GRM6: variants seen among roughly 807,000 people sequenced by gnomAD.
GRM6 encodes metabotropic glutamate receptor 6.
In GRM6, 73 loss-of-function variants were observed where a neutral mutation model predicts 78.4. The observed-to-expected ratio is 0.93, with a 90% CI of 0.77 to 1.13. The LOEUF (loss-of-function observed/expected upper bound fraction) is 1.13. GRM6 is among the 50% of genes most tolerant of loss of function. GRM6 has a pLI of 0.00. For synonymous variants in GRM6, 580 were observed against 555.0 expected (o/e 1.05, Z -0.63); for missense variants, 1,251 against 1,256.4 (o/e 1.00, Z 0.07).
chr5:178,983,139 T>C lies in GRM6; in HGVS notation c.2207A>G (p.Glu736Gly), dbSNP rs758063204. 1 of 1,613,928 alleles carries C rather than the reference T, an allele frequency of 6.2e-7. No homozygotes were observed. ...GCACTTGAGCACCCCTCTGGCCTGC[T>C]CGGGGTCCACCGTCCGCTGTTCCTC... ...DYEEQRTVDP[E>G]QARGVLKCDM... Residue 736 changes from glutamate to glycine, a missense_variant, in exon 10 of 11, where the codon GAG (glutamate) becomes GGG (glycine). Physicochemically the swap from Glu to Gly is moderately conservative, Grantham distance 98. Coordinates refer to ENST00000517717, the MANE Select transcript of GRM6 (RefSeq NM_000843.4).
chr5:178,983,354 G>C, intron 9 of GRM6, 133 bp from the exon 10 acceptor site: 1 of 810,436 alleles, frequency 1.2e-6, no homozygotes, highest in Non-Finnish European at 2.1e-6. Flanking sequence ...CCTCTTCGTG[G>C]TGGCTCTCAG....
intron 5 of GRM6, chr5:178,989,745 A>G (rs1206519509): frequency 5.0e-6 from 2 of 396,968 alleles, no homozygotes; most frequent in African/African-American, 2.1e-5. Context: ...CTTTCCTGTT[A>G]GGATGCTGCT....
At position 178,980,362 on chromosome 5, in the gene GRM6, A is replaced by G. The variant is rs1355783128; in HGVS notation, c.*1295T>C. 1 of 154,394 alleles carries G rather than the reference A, an allele frequency of 6.5e-6. No individual in the cohort carries two copies. The highest frequency in any genetic ancestry group is 1.5e-5 in the Non-Finnish European group (1 of 68,232). The allele number at this position is 154,394 out of a possible 1,614,324, so 9.6% of individuals were successfully genotyped here. On this transcript the variant is annotated 3_prime_UTR_variant, in exon 11 of 11. Coordinates refer to ENST00000517717, the MANE Select transcript of GRM6 (RefSeq NM_000843.4). The surrounding 1 kb of genome is among the most constrained non-coding windows in gnomAD (Gnocchi z 4.3). ...CAAATGTGCGTGCATCTGCAGCCCA[A>G]GCCTCTTCCTCCCCAGGCCTGGCGC... is the stretch of plus-strand genomic sequence containing the variant.
Position 178,981,702 on chromosome 5 carries a change from C to G in GRM6, c.2589G>C (p.Thr863=). The change falls in exon 11 of 11, where the codon ACG becomes ACC. Residue 863 remains threonine, a synonymous_variant. Transcript: ENST00000517717. This position sits in a 1 kb window ranked among gnomAD's most constrained non-coding sequence, Gnocchi z 5.1. ...CCTCGCCCTTGGGTGGGGCTGCCAC[C>G]GTGGAGGTGGCCTTGAGGCTCCGCT... ...KRKRSLKATS[T]VAAPPKGEDA... The G allele has an allele frequency of 6.2e-7, 1 of 1,614,114 alleles. No individual in the cohort carries two copies. Among genetic ancestry groups the G allele is most frequent in the Non-Finnish European group, 8.5e-7 (1 of 1,179,976 alleles).
chr5:178,991,819 G>C lies in GRM6; in HGVS notation c.721+48C>G. 3 of 1,512,516 alleles carry C rather than the reference G, an allele frequency of 2.0e-6. No individual in the cohort carries two copies. The highest frequency in any genetic ancestry group is 2.7e-6 in the Non-Finnish European group (3 of 1,091,712). 93.7% of individuals were successfully genotyped at this position (1,512,516 alleles called of 1,614,324 possible). On this transcript the variant is annotated intron_variant, in intron 3 of 10. Transcript: ENST00000517717. This position sits in a 1 kb window ranked among gnomAD's most constrained non-coding sequence, Gnocchi z 5.0. ...TGCTTCTGCCCCAACTGAGGGCCCC[G>C]GGCCCACACTATGTAGACTCCTTGG...
rs368879122 is a variant in GRM6, at chr5:178,983,109, A to G, written c.2237T>C (p.Met746Thr). The stretch of plus-strand genomic sequence containing the variant: ...GCAGCCGATGAGAGACAGATCCGAC[A>G]TGTCGCACTTGAGCACCCCTCTGGC... ...EQARGVLKCD[M>T]SDLSLIGCLG... The change falls in exon 10 of 11, where the codon ATG becomes ACG. Residue 746 changes from methionine (M) to threonine (T), a missense_variant. Transcript: ENST00000517717. 175 of 1,613,890 alleles carry G rather than the reference A, an allele frequency of 1.1e-4. No individual in the cohort carries two copies. Among genetic ancestry groups the G allele is most frequent in the Non-Finnish European group, 1.5e-4 (172 of 1,179,974 alleles).
chr5:178,990,773 G>A, intron 4 of GRM6, 27 bp from the exon 5 acceptor site: 1 of 1,542,282 alleles, frequency 6.5e-7, no homozygotes, highest in Non-Finnish European at 8.8e-7. Context: ...TGGGGTGAGG[G>A]AGGGCCTGGG....
intron 4 of GRM6, 23 bp from the exon 5 acceptor site, chr5:178,990,769 G>T: frequency 1.9e-6 from 3 of 1,549,348 alleles, no homozygotes; most frequent in Non-Finnish European, 1.7e-6. Context: ...GGGCTGGGGT[G>T]AGGGAGGGCC....
At chr5:178,990,842 A>G (rs1285805095) in intron 4 of GRM6, 96 bp from the exon 5 acceptor site, 1 of 1,000,098 alleles carries the variant, frequency 1.0e-6, no homozygotes, top group Admixed American at 2.6e-5. Context: ...CTGCTCTATA[A>G]TCACTCACCA....
At position 178,978,484 on chromosome 5, in the gene GRM6, G is replaced by A. The variant is rs577277103; in HGVS notation, c.*3173C>T. 4.6e-5 allele frequency: 7 copies of A among 152,338 alleles called. No homozygotes were observed. In the South Asian group the frequency reaches 1.5e-3, roughly 32 times the overall value. 9.4% of individuals were successfully genotyped at this position (152,338 alleles called of 1,614,324 possible). ...CAAAGCTATAATAAATGTGTCAGAA[G>A]ATTCACACAAGTGAGACAGCCTAAG... is the stretch of plus-strand genomic sequence containing the variant. On this transcript the variant is annotated 3_prime_UTR_variant, in exon 11 of 11. Coordinates refer to ENST00000517717, the MANE Select transcript of GRM6 (RefSeq NM_000843.4).
rs143392284 is a variant in GRM6, at chr5:178,981,583, C to G, written c.*74G>C. Reference sequence around the variant, plus strand: ...ACTGACTGTTCACCGTGGACCCGGGCTCTATACAGCTTCCACCTCGAGGCA... The same window carrying G: ...ACTGACTGTTCACCGTGGACCCGGGGTCTATACAGCTTCCACCTCGAGGCA... On this transcript the variant is annotated 3_prime_UTR_variant, in exon 11 of 11. Coordinates refer to ENST00000517717, the MANE Select transcript of GRM6 (RefSeq NM_000843.4). The surrounding 1 kb of genome is among the most constrained non-coding windows in gnomAD (Gnocchi z 5.1). The G allele has an allele frequency of 2.0e-3, 2,360 of 1,170,994 alleles. 33 individuals are homozygous for G. In the East Asian group the frequency reaches 0.039, roughly 19 times the overall value. The allele number at this position is 1,170,994 out of a possible 1,614,324, so 72.5% of individuals were successfully genotyped here.
chr5:178,979,861 A>G lies in GRM6; in HGVS notation c.*1796T>C, dbSNP rs771437706. ...AGTTCATACAGGAGAAGAGCCCTAT[A>G]CAATCACGAGGGTGGAACCGCCTTT... On this transcript the variant is annotated 3_prime_UTR_variant, in exon 11 of 11. Transcript: ENST00000517717. 3.2e-5 allele frequency: 5 copies of G among 154,350 alleles called. No individual in the cohort carries two copies. Among genetic ancestry groups the G allele is most frequent in the African/African-American group, 4.8e-5 (2 of 41,512 alleles). The allele number at this position is 154,350 out of a possible 1,614,324, so 9.6% of individuals were successfully genotyped here.
chr5:178,983,871 G>C (rs553403720), intron 9 of GRM6, among the ~76,000 whole-genome samples: 1 of 152,206 alleles, frequency 6.6e-6, no homozygotes, highest in African/African-American at 2.4e-5. Flanking sequence ...ACCCTGGAAG[G>C]GCTGCCCCAC....
intron 6 of GRM6, 54 bp downstream of exon 6, chr5:178,989,211 A>AGCCCCCCCCC: frequency 3.3e-5 from 4 of 121,722 alleles, no homozygotes; most frequent in Non-Finnish European, 5.3e-5. Context: ...CCCCCTCCCC[A>AGCCCCCCCCC]CCCTCACCAC....
rs1430183477 is a variant in GRM6 at position 178,979,837 on chromosome 5, G to A, written c.*1820C>T. The A allele has an allele frequency of 6.5e-6, 1 of 154,102 alleles. No individual in the cohort carries two copies. Among genetic ancestry groups the A allele is most frequent in the African/African-American group, 2.4e-5 (1 of 41,524 alleles). 9.5% of individuals were successfully genotyped at this position (154,102 alleles called of 1,614,324 possible). ...GAGATCAGAGCTCACTGATCTCAGAGTTCATACAGGAGAAGAGCCCTATAC... is the reference window on the plus strand; with the variant it reads ...GAGATCAGAGCTCACTGATCTCAGAATTCATACAGGAGAAGAGCCCTATAC... On this transcript the variant is annotated 3_prime_UTR_variant, in exon 11 of 11. Coordinates refer to ENST00000517717, the MANE Select transcript of GRM6 (RefSeq NM_000843.4).
At chr5:178,984,655 C>G (rs1446766162) in intron 9 of GRM6, among the ~76,000 whole-genome samples, 1 of 152,142 alleles carries the variant, frequency 6.6e-6, no homozygotes, top group Non-Finnish European at 1.5e-5. Flanking sequence ...AGGGCACCTT[C>G]TCAGGATGTG....
intron 9 of GRM6, chr5:178,985,575 C>T (rs369403818): frequency 1.5e-3 from 494 of 339,040 alleles, no homozygotes; most frequent in Middle Eastern, 5.0e-3. Flanking sequence ...TGGTGGCGGG[C>T]GCCTGTAGTC....
rs1581898677 is a variant in GRM6 at position 178,992,061 on chromosome 5, G to A, written c.527C>T (p.Ser176Phe). The A allele has an allele frequency of 6.2e-7, 1 of 1,613,768 alleles. No individual in the cohort carries two copies. Among genetic ancestry groups the A allele is most frequent in the Non-Finnish European group, 8.5e-7 (1 of 1,179,828 alleles). Residue 176 changes from serine (S) to phenylalanine (F), a missense_variant, in exon 3 of 11, where the codon TCC becomes TTC. Coordinates refer to ENST00000517717, the MANE Select transcript of GRM6 (RefSeq NM_000843.4). This position sits in a 1 kb window ranked among gnomAD's most constrained non-coding sequence, Gnocchi z 4.9. ...LFAIPQISYA[S>F]TAPELSDSTR... ...GGAGTCGCTGAGCTCCGGGGCTGTG[G>A]AGGCATAGCTGATCTGGGGTATCTG...
In GRM6 at chr5:178,991,909, C is replaced by T. The variant is rs17078901; in HGVS notation, c.679G>A (p.Glu227Lys). The T allele has an allele frequency of 1.7e-5, 28 of 1,613,988 alleles. No individual in the cohort carries two copies. Among genetic ancestry groups the T allele is most frequent in the South Asian group, 4.4e-5 (4 of 91,080 alleles). ...STLASEGNYG[E>K]SGVEAFVQIS... ...TGAACGAAGGCCTCAACCCCACTTT[C>T]GCCATAGTTGCCCTCGGAGGCCAGC... is the stretch of plus-strand genomic sequence containing the variant. The change falls in exon 3 of 11, where the codon GAA (glutamate) becomes AAA (lysine). Residue 227 changes from glutamate to lysine, a missense_variant. Coordinates refer to ENST00000517717, the MANE Select transcript of GRM6 (RefSeq NM_000843.4). The surrounding 1 kb of genome is among the most constrained non-coding windows in gnomAD (Gnocchi z 5.0).
Sources: gnomAD v4.1 joint callset for allele counts (sites outside exome capture counted in the v4.1 genomes callset) on GRCh38, gnomAD v4.1.1 for gene constraint, Gnocchi (gnomAD v3.1) non-coding constraint, MANE v1.5 for transcripts, NCBI Gene and HGNC (gene_info 2026-07-23, HGNC 2026-07-21) for gene names.